ROBO1: variants seen among roughly 807,000 people sequenced by gnomAD.
ROBO1 encodes roundabout guidance receptor 1.
In ROBO1, 149 loss-of-function variants were observed where a neutral mutation model predicts 195.9. The observed-to-expected ratio is 0.76, with a 90% CI of 0.67 to 0.87. The LOEUF (loss-of-function observed/expected upper bound fraction) is 0.87. Among genes scored for constraint, ROBO1 ranks in the 40% least tolerant of loss-of-function variants. ROBO1 has a pLI of 0.00. For missense variants in ROBO1, 1,933 were observed against 2,068.3 expected (o/e 0.93, Z 1.27); for synonymous variants, 816 against 733.2 (o/e 1.11, Z -1.82).
Position 79,021,713 on chromosome 3 carries a change from T to G in ROBO1, c.173-82786A>C, listed in dbSNP as rs1052068095. On this transcript the variant is annotated intron_variant, in intron 3 of 30. Transcript: ENST00000464233. ...TCTGTCTTTGTCGCCCAGGCTGGAGTGCAGTGGCGCGATCTCGGCTCACTG... is the reference window on the plus strand; with the variant it reads ...TCTGTCTTTGTCGCCCAGGCTGGAGGGCAGTGGCGCGATCTCGGCTCACTG... Among the ~76,000 whole-genome samples, 35 of 141,880 alleles carry G rather than the reference T, an allele frequency of 2.5e-4. No individual in the cohort carries two copies. In the East Asian group the frequency reaches 7.3e-3, roughly 30 times the overall value. The allele number at this position is 141,880 out of a possible 152,430, so 93.1% of individuals were successfully genotyped here. A position where few individuals can be genotyped will look rare whatever the true frequency, so the allele number is the denominator to read the frequency against.
intron 2 of ROBO1, among the ~76,000 whole-genome samples, chr3:79,476,117 T>A (rs897594997): frequency 1.3e-5 from 2 of 151,998 alleles, no homozygotes; most frequent in African/African-American, 2.4e-5. Context: ...AAAGAAGATA[T>A]ACAAACGGCC....
At chr3:79,158,082 T>C (rs1247261348) in intron 2 of ROBO1, among the ~76,000 whole-genome samples, 1 of 151,804 alleles carries the variant, frequency 6.6e-6, no homozygotes, top group Non-Finnish European at 1.5e-5. Flanking sequence ...AGTACATCTC[T>C]TTTACATTTC....
chr3:79,504,275 T>G (rs1194927938), intron 2 of ROBO1, among the ~76,000 whole-genome samples: 1 of 152,106 alleles, frequency 6.6e-6, no homozygotes, highest in Non-Finnish European at 1.5e-5. Flanking sequence ...TGTGGAAACA[T>G]TTTTGGTTTA....
chr3:78,661,013 C>G lies in ROBO1; in HGVS notation c.2320+17G>C. ...TATACTGCAATGCATGGAAATCAAA[C>G]GCTTCATCATACTTGCCTTCTTCCA... On this transcript the variant is annotated intron_variant, in intron 16 of 30. Coordinates refer to ENST00000464233, the MANE Select transcript of ROBO1 (RefSeq NM_002941.4). 1 of 1,555,584 alleles carries G rather than the reference C, an allele frequency of 6.4e-7. No homozygotes were observed. The highest frequency in any genetic ancestry group is 8.8e-7 in the Non-Finnish European group (1 of 1,133,610).
intron 2 of ROBO1, among the ~76,000 whole-genome samples, chr3:79,145,095 G>C (rs1173835772): frequency 2.6e-5 from 4 of 151,812 alleles, no homozygotes. Context: ...AAATGGTCAA[G>C]TTGGTTTGGT....
chr3:79,609,775 C>T (rs1944597917), intron 1 of ROBO1, among the ~76,000 whole-genome samples: 1 of 151,620 alleles, frequency 6.6e-6, no homozygotes, highest in South Asian at 2.1e-4. Flanking sequence ...TCTGATTCCA[C>T]ATATGAGGTG....
At chr3:79,017,494 T>TGTGTGTGTGTG (rs1553659458) in intron 3 of ROBO1, among the ~76,000 whole-genome samples, 5 of 149,948 alleles carry the variant, frequency 3.3e-5, no homozygotes, top group South Asian at 2.1e-4. Context: ...TGTGTGTGTG[T>TGTGTGTGTGTG]TTTAAAGCCT....
intron 1 of ROBO1, among the ~76,000 whole-genome samples, chr3:79,641,679 T>C (rs1303865046): frequency 2.0e-5 from 2 of 98,966 alleles, no homozygotes; most frequent in African/African-American, 4.2e-5. Flanking sequence ...TGATCCAATA[T>C]AACACACACA....
intron 4 of ROBO1, among the ~76,000 whole-genome samples, chr3:78,866,072 A>G (rs2035157838): frequency 6.6e-6 from 1 of 152,188 alleles, no homozygotes; most frequent in Non-Finnish European, 1.5e-5. Context: ...CATGTTCATC[A>G]AGCAAACTCA....
At chr3:79,193,563 G>A (rs910876608) in intron 2 of ROBO1, among the ~76,000 whole-genome samples, 2 of 142,698 alleles carry the variant, frequency 1.4e-5, no homozygotes, top group Non-Finnish European at 3.0e-5. Flanking sequence ...TGTATTTTAC[G>A]CCAAGGATGT....
intron 1 of ROBO1, among the ~76,000 whole-genome samples, chr3:79,670,328 C>A (rs1212524661): frequency 2.0e-5 from 3 of 151,818 alleles, no homozygotes; most frequent in Admixed American, 2.0e-4. Context: ...GCCATAAATA[C>A]AGCAGAATAA....
At chr3:78,968,659 AT>A (rs1199145924) in intron 3 of ROBO1, among the ~76,000 whole-genome samples, 2 of 152,074 alleles carry the variant, frequency 1.3e-5, no homozygotes, top group Non-Finnish European at 1.5e-5. Flanking sequence ...ATTTGGCCAA[AT>A]TTCACTCAGT....
chr3:78,949,457 T>C (rs950115748), intron 3 of ROBO1, among the ~76,000 whole-genome samples: 5 of 151,668 alleles, frequency 3.3e-5, no homozygotes, highest in Admixed American at 1.3e-4. Context: ...TGGCTAGCCA[T>C]ATGTAGAAAG....
chr3:78,692,505 A>C (rs1330627789), intron 8 of ROBO1, among the ~76,000 whole-genome samples: 1 of 152,080 alleles, frequency 6.6e-6, no homozygotes, highest in African/African-American at 2.4e-5. Context: ...TCTTGGCCTC[A>C]AATTATTCAC....
At chr3:78,627,277 G>A (rs779843413) in intron 26 of ROBO1, 44 bp downstream of exon 26, 82 of 1,588,044 alleles carry the variant, frequency 5.2e-5, no homozygotes, top group Non-Finnish European at 6.2e-5. Context: ...CTGAGGAGTA[G>A]AAATTATCTG....
chr3:78,966,615 A>T (rs2076650851), intron 3 of ROBO1, among the ~76,000 whole-genome samples: 1 of 152,182 alleles, frequency 6.6e-6, no homozygotes, highest in Non-Finnish European at 1.5e-5. Flanking sequence ...TCTAACAGGA[A>T]ATAGGTATTT....
intron 2 of ROBO1, among the ~76,000 whole-genome samples, chr3:79,521,197 T>A (rs1000876051): frequency 6.6e-5 from 10 of 152,180 alleles, no homozygotes; most frequent in Non-Finnish European, 1.3e-4. Flanking sequence ...GTTCCAGGAC[T>A]ATAAAGATTA....
intron 3 of ROBO1, among the ~76,000 whole-genome samples, chr3:79,120,547 A>C (rs1377659304): frequency 6.6e-6 from 1 of 152,264 alleles, no homozygotes; most frequent in East Asian, 1.9e-4. Flanking sequence ...ACCAGGAAAG[A>C]GAAAGTAATT....
intron 22 of ROBO1, among the ~76,000 whole-genome samples, chr3:78,637,893 G>A (rs138373116): frequency 2.9e-4 from 43 of 148,242 alleles, no homozygotes; most frequent in Non-Finnish European, 5.9e-4. Context: ...TCGCCTTTCC[G>A]TAATTCCACA....
Sources: gnomAD v4.1 joint callset for allele counts (sites outside exome capture counted in the v4.1 genomes callset) on GRCh38, gnomAD v4.1.1 for gene constraint, MANE v1.5 for transcripts, NCBI Gene and HGNC (gene_info 2026-07-23, HGNC 2026-07-21) for gene names.